The following DRC11 variants were observed in gnomAD, a reference collection of about 807,000 sequenced individuals.
The protein encoded by DRC11 is IQ and AAA domain-containing protein 1.
At chr2:236,368,626 C>A in the DRC11 span, 1 of 205,250 alleles carries the variant, frequency 4.9e-6, no homozygotes. Flanking sequence ...AAGAAGGACA[C>A]ACAAAAAAGG....
chr2:236,504,264 T>C, the DRC11 span, among the ~76,000 whole-genome samples: 2 of 152,154 alleles, frequency 1.3e-5, no homozygotes, highest in Admixed American at 1.3e-4. This position sits in a 1 kb window ranked among gnomAD's most constrained non-coding sequence, Gnocchi z 5.0. Flanking sequence ...TCATCCACAC[T>C]GTCGCATACT....
At chr2:236,463,691 A>T in the DRC11 span, among the ~76,000 whole-genome samples, 1 of 152,238 alleles carries the variant, frequency 6.6e-6, no homozygotes, top group Non-Finnish European at 1.5e-5. This position sits in a 1 kb window ranked among gnomAD's most constrained non-coding sequence, Gnocchi z 5.0. Flanking sequence ...TGTAAAAGTA[A>T]TTGATATGTA....
chr2:236,389,573 A>G, the DRC11 span, among the ~76,000 whole-genome samples: 2 of 152,122 alleles, frequency 1.3e-5, no homozygotes, highest in African/African-American at 4.8e-5. Flanking sequence ...GGCACTCCCT[A>G]GTGAGATGAA....
the DRC11 span, among the ~76,000 whole-genome samples, chr2:236,497,969 C>T: frequency 3.9e-5 from 6 of 152,144 alleles, no homozygotes; most frequent in African/African-American, 1.4e-4. This position sits in a 1 kb window ranked among gnomAD's most constrained non-coding sequence, Gnocchi z 5.1. Flanking sequence ...CAAGAATGAT[C>T]ACTTGCATTT....
At chr2:236,308,616 CCTT>C in the DRC11 span, among the ~76,000 whole-genome samples, 1,050 of 152,304 alleles carry the variant, frequency 6.9e-3, 16 homozygotes, top group African/African-American at 0.023. This position sits in a 1 kb window ranked among gnomAD's most constrained non-coding sequence, Gnocchi z 6.0. Context: ...CAGCATTTGT[CCTT>C]CTGTGCTTGG....
At chr2:236,451,119 A>C in the DRC11 span, among the ~76,000 whole-genome samples, 1 of 152,108 alleles carries the variant, frequency 6.6e-6, no homozygotes, top group Non-Finnish European at 1.5e-5. Context: ...TATTTAGCAT[A>C]TCCTTGATTG....
the DRC11 span, among the ~76,000 whole-genome samples, chr2:236,482,140 T>G: frequency 2.0e-5 from 3 of 151,360 alleles, no homozygotes; most frequent in East Asian, 5.8e-4. The surrounding 1 kb of genome is among the most constrained non-coding windows in gnomAD (Gnocchi z 4.5). Flanking sequence ...TAATTCTACA[T>G]ATTATATGTA....
At chr2:236,376,909 G>A in the DRC11 span, among the ~76,000 whole-genome samples, 1 of 152,318 alleles carries the variant, frequency 6.6e-6, no homozygotes, top group Non-Finnish European at 1.5e-5. The surrounding 1 kb of genome is among the most constrained non-coding windows in gnomAD (Gnocchi z 5.7). Flanking sequence ...ATTTTATTAA[G>A]AGAATCTGTT....
the DRC11 span, among the ~76,000 whole-genome samples, chr2:236,478,837 T>A: frequency 6.6e-6 from 1 of 151,800 alleles, no homozygotes; most frequent in Non-Finnish European, 1.5e-5. The surrounding 1 kb of genome is among the most constrained non-coding windows in gnomAD (Gnocchi z 5.9). Flanking sequence ...AGTCTTTTTT[T>A]TTTTTGAGAT....
the DRC11 span, among the ~76,000 whole-genome samples, chr2:236,420,849 C>T: frequency 6.6e-6 from 1 of 152,162 alleles, no homozygotes. This position sits in a 1 kb window ranked among gnomAD's most constrained non-coding sequence, Gnocchi z 4.8. Context: ...CACCTTGACT[C>T]ACAGAATCAA....
chr2:236,415,801 C>T, the DRC11 span, among the ~76,000 whole-genome samples: 15 of 152,266 alleles, frequency 9.9e-5, no homozygotes, highest in Non-Finnish European at 8.8e-5. The surrounding 1 kb of genome is among the most constrained non-coding windows in gnomAD (Gnocchi z 5.7). Context: ...CAGATTTACA[C>T]GGAACAAGCT....
At chr2:236,372,548 C>CT in the DRC11 span, among the ~76,000 whole-genome samples, 6 of 151,302 alleles carry the variant, frequency 4.0e-5, no homozygotes, top group East Asian at 1.9e-4. This position sits in a 1 kb window ranked among gnomAD's most constrained non-coding sequence, Gnocchi z 4.5. Context: ...GCGAGCTGCA[C>CT]TTTTTTTTTC....
At chr2:236,451,851 A>G in the DRC11 span, among the ~76,000 whole-genome samples, 40,302 of 152,056 alleles carry the variant, frequency 0.27, 5,691 homozygotes, top group African/African-American at 0.35. Flanking sequence ...ATCGTATCAC[A>G]GTGGGAACTT....
At chr2:236,484,145 A>G in the DRC11 span, among the ~76,000 whole-genome samples, 1 of 152,174 alleles carries the variant, frequency 6.6e-6, no homozygotes, top group Non-Finnish European at 1.5e-5. Flanking sequence ...ATTCTCTGAC[A>G]TTTCTACTGT....
chr2:236,416,751 AT>A, the DRC11 span, among the ~76,000 whole-genome samples: 4 of 60,192 alleles, frequency 6.6e-5, no homozygotes, highest in East Asian at 3.7e-4. Flanking sequence ...ATATATATAT[AT>A]ATATATATAT....
chr2:236,419,212 C>T, the DRC11 span: 11 of 1,538,806 alleles, frequency 7.1e-6, no homozygotes, highest in East Asian at 2.5e-5. The surrounding 1 kb of genome is among the most constrained non-coding windows in gnomAD (Gnocchi z 4.8). Flanking sequence ...TTTCCTTTTT[C>T]TTCTTCTTCT....
the DRC11 span, among the ~76,000 whole-genome samples, chr2:236,420,797 G>A: frequency 6.6e-6 from 1 of 152,104 alleles, no homozygotes; most frequent in Non-Finnish European, 1.5e-5. The surrounding 1 kb of genome is among the most constrained non-coding windows in gnomAD (Gnocchi z 4.8). Context: ...GTGACAGAGT[G>A]AGATCCTGCC....
At chr2:236,324,837 A>G in the DRC11 span, 6 of 1,263,008 alleles carry the variant, frequency 4.8e-6, 1 homozygote, top group East Asian at 1.5e-4. The surrounding 1 kb of genome is among the most constrained non-coding windows in gnomAD (Gnocchi z 5.7). Context: ...ATTCACCGCA[A>G]TACTCTTAAA....
the DRC11 span, chr2:236,412,457 T>C: frequency 1.3e-5 from 2 of 152,322 alleles, no homozygotes; most frequent in African/African-American, 4.8e-5. Context: ...AGAGTTTTCC[T>C]GTGCAGGGAT....
Sources: allele counts gnomAD v4.1 joint callset (sites outside exome capture counted in the v4.1 genomes callset), GRCh38; gene constraint gnomAD v4.1.1; non-coding constraint Gnocchi (gnomAD v3.1); transcripts MANE v1.5; gene names NCBI Gene and HGNC (gene_info 2026-07-23, HGNC 2026-07-21).